ST3GAL6: variants seen among roughly 807,000 people sequenced by gnomAD.
The protein encoded by ST3GAL6 is ST3 beta-galactoside alpha-2,3-sialyltransferase 6.
A neutral mutation model predicts 40.5 loss-of-function variants in ST3GAL6; 31 were observed. The observed-to-expected ratio is 0.77, with a 90% CI of 0.58 to 1.03. The LOEUF (loss-of-function observed/expected upper bound fraction) is 1.03, where lower values mean the gene tolerates loss of function less well. ST3GAL6 is among the 50% of genes least tolerant of loss of function. The pLI is 0.00. For synonymous variants in ST3GAL6, 129 were observed against 136.9 expected (o/e 0.94, Z 0.40); for missense variants, 357 against 393.2 (o/e 0.91, Z 0.78).
chr3:98,762,065 T>C (rs901119814), upstream of ST3GAL6, among the ~76,000 whole-genome samples: 5 of 133,726 alleles, frequency 3.7e-5, no homozygotes, highest in African/African-American at 1.4e-4. Flanking sequence ...AAAAGATCTG[T>C]CTACATGTGC....
At chr3:98,782,452 C>T in intron 5 of ST3GAL6, 1 of 617,754 alleles carries the variant, frequency 1.6e-6, no homozygotes, top group Non-Finnish European at 2.9e-6. Context: ...AAAATCTAGT[C>T]TCTTCTGGTG....
At position 98,772,986 on chromosome 3, in the gene ST3GAL6, T is replaced by A. The variant is rs115639546; in HGVS notation, c.271+70T>A. The A allele has an allele frequency of 6.9e-3, 6,507 of 945,026 alleles. 40 individuals carry two copies. Among genetic ancestry groups the A allele is most frequent in the Non-Finnish European group, 9.0e-3 (5,364 of 597,880 alleles). The allele number at this position is 945,026 out of a possible 1,614,324, so 58.5% of individuals were successfully genotyped here. A position where few individuals can be genotyped will look rare whatever the true frequency, so the allele number is the denominator to read the frequency against. On this transcript the variant is annotated intron_variant, in intron 4 of 9. Transcript: ENST00000483910. Reference sequence around the variant, plus strand: ...GTTTGATGAGAATGGCATGTTAATATAATTTTAAGGGCTTTTATTCTTTCT... The same window carrying A: ...GTTTGATGAGAATGGCATGTTAATAAAATTTTAAGGGCTTTTATTCTTTCT...
At chr3:98,749,130 A>G (rs1313406920) in intron 1 of ST3GAL6, among the ~76,000 whole-genome samples, 1 of 152,252 alleles carries the variant, frequency 6.6e-6, no homozygotes, top group Non-Finnish European at 1.5e-5. Flanking sequence ...TTATTGAAGA[A>G]ATCAACAAAG....
intron 3 of ST3GAL6, among the ~76,000 whole-genome samples, chr3:98,772,022 C>T (rs1471507614): frequency 1.1e-4 from 16 of 152,086 alleles, no homozygotes; most frequent in Admixed American, 2.0e-4. Context: ...GAGCCACATA[C>T]GGGTTGCAGA....
At chr3:98,780,485 G>A (rs773200834) in intron 5 of ST3GAL6, among the ~76,000 whole-genome samples, 12 of 152,166 alleles carry the variant, frequency 7.9e-5, no homozygotes, top group Non-Finnish European at 1.5e-4. Flanking sequence ...AAAAAAAGTA[G>A]AATGAAACTC....
At chr3:98,766,275 G>A (rs184329589) in intron 1 of ST3GAL6, among the ~76,000 whole-genome samples, 2 of 152,052 alleles carry the variant, frequency 1.3e-5, no homozygotes, top group Admixed American at 6.6e-5. Flanking sequence ...AGAATACATA[G>A]GAATTTTGAC....
At chr3:98,782,137 T>C (rs1940191418) in intron 5 of ST3GAL6, 2 of 661,660 alleles carry the variant, frequency 3.0e-6, no homozygotes. Flanking sequence ...TAAAGTTGGC[T>C]TTCTAGAATA....
chr3:98,732,616 C>T, intron 1 of ST3GAL6: 1 of 467,462 alleles, frequency 2.1e-6, no homozygotes, highest in South Asian at 3.2e-5. Context: ...TTGCACCTTC[C>T]TCCTCGAATT....
At chr3:98,744,512 A>C (rs1430345836) in intron 1 of ST3GAL6, among the ~76,000 whole-genome samples, 1 of 152,144 alleles carries the variant, frequency 6.6e-6, no homozygotes, top group African/African-American at 2.4e-5. Flanking sequence ...GGGGGCAGAC[A>C]AGTTTCATTA....
chr3:98,742,266 A>C (rs1936158509), intron 1 of ST3GAL6, among the ~76,000 whole-genome samples: 1 of 152,198 alleles, frequency 6.6e-6, no homozygotes, highest in Non-Finnish European at 1.5e-5. Flanking sequence ...AAAATTTTAC[A>C]TTTTTACTCC....
intron 5 of ST3GAL6, among the ~76,000 whole-genome samples, chr3:98,781,990 TC>T (rs913690438): frequency 1.3e-5 from 2 of 152,138 alleles, no homozygotes; most frequent in African/African-American, 4.8e-5. Context: ...AGTGTGAGAA[TC>T]GCCCCCTCCT....
chr3:98,741,192 C>T (rs1327527788), intron 1 of ST3GAL6, among the ~76,000 whole-genome samples: 1 of 151,778 alleles, frequency 6.6e-6, no homozygotes, highest in Non-Finnish European at 1.5e-5. Context: ...GAGCAAAAAC[C>T]GTTCTCTCCG....
At chr3:98,770,763 T>C (rs1938889431) in intron 2 of ST3GAL6, 116 bp from the exon 3 acceptor site, 1 of 817,754 alleles carries the variant, frequency 1.2e-6, no homozygotes, top group Admixed American at 2.0e-5. Flanking sequence ...GGAGTATTTT[T>C]GTTTGCTGCC....
Position 98,793,958 on chromosome 3 carries a change from CA to C in ST3GAL6, c.*198del. 2.6e-6 allele frequency: 1 copy of C among 379,836 alleles called. No individual in the cohort carries two copies. The highest frequency in any genetic ancestry group is 3.9e-5 in the East Asian group (1 of 25,438). The allele number at this position is 379,836 out of a possible 1,614,324, so 23.5% of individuals were successfully genotyped here. On this transcript the variant is annotated 3_prime_UTR_variant, in exon 10 of 10. Coordinates refer to ENST00000483910, the MANE Select transcript of ST3GAL6 (RefSeq NM_001323368.2). ...TGAAAACCAAGAAATGTAAAGATAA[CA>C]GGAAAATAAGTTTTGATTGCATTGT...
At chr3:98,783,469 C>T in intron 5 of ST3GAL6, 1 of 767,480 alleles carries the variant, frequency 1.3e-6, no homozygotes, top group Non-Finnish European at 1.6e-6. Flanking sequence ...TTCCTCCCCT[C>T]AGTTCTTCTC....
At chr3:98,732,779 C>A in intron 1 of ST3GAL6, 3 of 1,322,478 alleles carry the variant, frequency 2.3e-6, no homozygotes, top group Non-Finnish European at 3.0e-6. Flanking sequence ...CCCGCCAGAT[C>A]CGCGGGGAAG....
In ST3GAL6 at chr3:98,795,696, A is replaced by AAAGAC. The variant is rs1183165423; in HGVS notation, c.*1936_*1940dup. 2 of 152,346 alleles carry AAAGAC rather than the reference A, an allele frequency of 1.3e-5. No homozygotes were observed. The highest frequency in any genetic ancestry group is 3.9e-4 in the East Asian group (2 of 5,180). The allele number at this position is 152,346 out of a possible 1,614,324, so 9.4% of individuals were successfully genotyped here. A position where few individuals can be genotyped will look rare whatever the true frequency, so the allele number is the denominator to read the frequency against. ...AGGGGAGCGGGGAGGGCAAGGGCTG[A>AAAGAC]AAGACTATGTATTGGGTACTATGCT... On this transcript the variant is annotated 3_prime_UTR_variant, in exon 10 of 10. Coordinates refer to ENST00000483910, the MANE Select transcript of ST3GAL6 (RefSeq NM_001323368.2).
upstream of ST3GAL6, among the ~76,000 whole-genome samples, chr3:98,758,518 C>T (rs1937550960): frequency 6.6e-6 from 1 of 152,104 alleles, no homozygotes; most frequent in Non-Finnish European, 1.5e-5. Flanking sequence ...TTTCTATAGC[C>T]AGAAATAGGG....
chr3:98,735,099 G>C (rs1191975864), intron 1 of ST3GAL6, among the ~76,000 whole-genome samples: 1 of 152,092 alleles, frequency 6.6e-6, no homozygotes, highest in South Asian at 2.1e-4. Flanking sequence ...TCTGATTTTT[G>C]GTGTGTTCTC....
Sources: allele counts gnomAD v4.1 joint callset (sites outside exome capture counted in the v4.1 genomes callset), GRCh38; gene constraint gnomAD v4.1.1; transcripts MANE v1.5; gene names NCBI Gene and HGNC (gene_info 2026-07-23, HGNC 2026-07-21).